Variants in CDH15 observed in about 807,000 individuals in gnomAD.
CDH15 encodes cadherin-15.
CDH15 carries 73 observed loss-of-function variants against 69.4 expected under a neutral mutation model. The ratio of observed to expected loss-of-function variants is 1.05; its 90% CI spans 0.87 to 1.28. CDH15 has a LOEUF of 1.28. Among genes scored for constraint, CDH15 ranks in the 50% most tolerant of loss-of-function variants. The pLI is 0.00. For synonymous variants in CDH15, 624 were observed against 507.7 expected, an observed-to-expected ratio of 1.23 and a Z score of -3.08; for missense variants, 1,343 against 1,133.6, an observed-to-expected ratio of 1.18 and a Z score of -2.65.
At chr16:89,175,353 G>GC (rs1915236330) in intron 1 of CDH15, among the ~76,000 whole-genome samples, 1 of 152,236 alleles carries the variant, frequency 6.6e-6, no homozygotes, top group African/African-American at 2.4e-5. Context: ...CCTGCCCCAT[G>GC]CCCATGCCTA....
intron 3 of CDH15, 143 bp from the exon 4 acceptor site, chr16:89,183,405 A>G: frequency 1.1e-6 from 1 of 905,248 alleles, no homozygotes; most frequent in Non-Finnish European, 1.7e-6. Context: ...CAGATGCCCC[A>G]CCCTGTGCTG....
At chr16:89,189,651 A>G (rs918490021) in intron 7 of CDH15, among the ~76,000 whole-genome samples, 1 of 152,240 alleles carries the variant, frequency 6.6e-6, no homozygotes, top group African/African-American at 2.4e-5. Context: ...ACAAAATCAC[A>G]GCTGCACACC....
intron 1 of CDH15, 87 bp from the exon 2 acceptor site, chr16:89,179,329 C>A: frequency 6.6e-7 from 1 of 1,514,832 alleles, no homozygotes; most frequent in Non-Finnish European, 9.1e-7. Context: ...GCCCCGTGGC[C>A]TCCTCACCAC....
rs898931518 is a variant in CDH15 at position 89,195,373 on chromosome 16, C to T, written c.*218C>T. On this transcript the variant is annotated 3_prime_UTR_variant, in exon 14 of 14. Coordinates refer to ENST00000289746, the MANE Select transcript of CDH15 (RefSeq NM_004933.3). ...TGGGAAGAGTTTCTCTCCATCGGCC[C>T]CATGCGGGTCACCTCCCTAGTCCCA... 3 of 581,880 alleles carry T rather than the reference C, an allele frequency of 5.2e-6. No individual in the cohort carries two copies. Among genetic ancestry groups the T allele is most frequent in the Non-Finnish European group, 6.1e-6 (2 of 330,490 alleles). The allele number at this position is 581,880 out of a possible 1,614,324, so 36.0% of individuals were successfully genotyped here.
At chr16:89,173,489 C>T (rs969822011) in intron 1 of CDH15, among the ~76,000 whole-genome samples, 1 of 152,190 alleles carries the variant, frequency 6.6e-6, no homozygotes, top group African/African-American at 2.4e-5. Context: ...ACCCCCTCCC[C>T]CGACAGCTGG....
At chr16:89,179,284 A>G (rs1040800458) in intron 1 of CDH15, 132 bp from the exon 2 acceptor site, 21 of 1,031,650 alleles carry the variant, frequency 2.0e-5, no homozygotes, top group Middle Eastern at 3.1e-4. Flanking sequence ...CCTTGCGCCA[A>G]TGGGCACCGA....
intron 3 of CDH15, 70 bp downstream of exon 3, chr16:89,180,425 C>T: frequency 6.6e-7 from 1 of 1,524,104 alleles, no homozygotes; most frequent in East Asian, 2.4e-5. Flanking sequence ...CCCTCCTCCC[C>T]ACCAGGCTTC....
chr16:89,179,850 G>A (rs1183476586), intron 2 of CDH15, among the ~76,000 whole-genome samples: 3 of 152,238 alleles, frequency 2.0e-5, no homozygotes, highest in African/African-American at 2.4e-5. Context: ...CTGCACGCTC[G>A]GGCGTGATTT....
Position 89,192,508 on chromosome 16 carries a change from C to G in CDH15, c.1855+64C>G. 3 of 1,536,684 alleles carry G rather than the reference C, an allele frequency of 2.0e-6. No homozygotes were observed. The South Asian group carries it at 3.6e-5, about 18-fold the overall frequency. On this transcript the variant is annotated intron_variant, in intron 11 of 13. Transcript: ENST00000289746. ...CTCGGACCCTCCTCCCCAGGCCGTCCCCTGCTAACCAGCCACGCCGCTTCC... is the reference window on the plus strand; with the variant it reads ...CTCGGACCCTCCTCCCCAGGCCGTCGCCTGCTAACCAGCCACGCCGCTTCC...
At chr16:89,173,181 C>T (rs1915192910) in intron 1 of CDH15, among the ~76,000 whole-genome samples, 1 of 152,190 alleles carries the variant, frequency 6.6e-6, no homozygotes, top group Non-Finnish European at 1.5e-5. Flanking sequence ...GGCCCTCCAC[C>T]CCTCAGCCCT....
chr16:89,192,015 CCTCCCG>C, intron 10 of CDH15, 121 bp downstream of exon 10: 1 of 1,162,224 alleles, frequency 8.6e-7, no homozygotes, highest in Non-Finnish European at 1.2e-6. Context: ...CAACAGGTCC[CCTCCCG>C]CCACCCCCCC....
At chr16:89,184,842 C>T (rs1053266108) in intron 4 of CDH15, among the ~76,000 whole-genome samples, 2 of 152,236 alleles carry the variant, frequency 1.3e-5, no homozygotes, top group Non-Finnish European at 2.9e-5. Context: ...TGGGCAGGCC[C>T]AGGAGCCAGC....
intron 8 of CDH15, among the ~76,000 whole-genome samples, chr16:89,190,911 G>GC (rs1475787517): frequency 6.6e-6 from 1 of 152,202 alleles, no homozygotes; most frequent in Non-Finnish European, 1.5e-5. Flanking sequence ...CAGCTCGCCT[G>GC]CCCTCCCTGA....
intron 3 of CDH15, chr16:89,182,801 G>C (rs1015027164): frequency 6.6e-6 from 1 of 152,180 alleles, no homozygotes; most frequent in Non-Finnish European, 1.5e-5. Flanking sequence ...AAAGTTATTA[G>C]AGAGTATTTC....
intron 7 of CDH15, among the ~76,000 whole-genome samples, chr16:89,189,139 GCA>G (rs1246336851): frequency 6.8e-5 from 8 of 118,058 alleles, no homozygotes; most frequent in Non-Finnish European, 1.0e-4. Flanking sequence ...AAAGATGCCG[GCA>G]CACACAGATG....
At position 89,189,170 on chromosome 16, in the gene CDH15, C is replaced by G. The variant is rs544113988; in HGVS notation, c.978+885C>G. 3.3e-5 allele frequency among the ~76,000 whole-genome samples: 4 copies of G among 120,054 alleles called. No homozygotes were observed. In the East Asian group the frequency reaches 8.4e-4, roughly 25 times the overall value. The allele number at this position is 120,054 out of a possible 152,430, so 78.8% of individuals were successfully genotyped here. On this transcript the variant is annotated intron_variant, in intron 7 of 13. Coordinates refer to ENST00000289746, the MANE Select transcript of CDH15 (RefSeq NM_004933.3). ...ACAGATGCCCACACACAGATGCCCA[C>G]ACACAGATGCCGGCACACACAGATG...
At chr16:89,189,075 A>G (rs998726103) in intron 7 of CDH15, among the ~76,000 whole-genome samples, 3 of 144,732 alleles carry the variant, frequency 2.1e-5, no homozygotes, top group African/African-American at 7.8e-5. Flanking sequence ...CGGCACACAC[A>G]GATGCCCACA....
Position 89,179,586 on chromosome 16 carries a change from G to T in CDH15, c.201+12G>T, listed in dbSNP as rs141555326. 42 of 1,560,506 alleles carry T rather than the reference G, an allele frequency of 2.7e-5. No homozygotes were observed. Among genetic ancestry groups the T allele is most frequent in the Admixed American group, 7.6e-5 (4 of 52,900 alleles). On this transcript the variant is annotated intron_variant, in intron 2 of 13. Transcript: ENST00000289746. ...ACCCCCTGGTTCAGGTGAGCAGGTG[G>T]AGGGGGCAGGAGGGGAGAAAGGGGT...
Position 89,194,995 on chromosome 16 carries a change from ACTAC to A in CDH15, c.2286_2289del (p.Asp762GlufsTer76). 1 of 1,611,986 alleles carries A rather than the reference ACTAC, an allele frequency of 6.2e-7. No homozygotes were observed. Among genetic ancestry groups the A allele is most frequent in the Non-Finnish European group, 8.5e-7 (1 of 1,179,656 alleles). On this transcript the variant is annotated frameshift_variant, in exon 14 of 14. Coordinates refer to ENST00000289746, the MANE Select transcript of CDH15 (RefSeq NM_004933.3). LOFTEE classifies it low-confidence loss of function (END_TRUNC). ...TCCAGCCAGGGCGATGAGGACCAGG[ACTAC>A]GACTACCTCAGAGACTGGGGGCCCC...
Sources: allele counts gnomAD v4.1 joint callset (sites outside exome capture counted in the v4.1 genomes callset), GRCh38; gene constraint gnomAD v4.1.1; transcripts MANE v1.5; gene names NCBI Gene and HGNC (gene_info 2026-07-23, HGNC 2026-07-21).